Variants in FRMD1 observed in about 807,000 individuals in gnomAD.
FRMD1 encodes the protein FERM domain containing 1, also known as FERM domain-containing protein 1.
In FRMD1, 51 loss-of-function variants were observed where a neutral mutation model predicts 54.9. That is an observed-to-expected ratio of 0.93 (90% CI 0.74 to 1.17). The LOEUF (loss-of-function observed/expected upper bound fraction) is 1.17. Ranked by LOEUF, FRMD1 falls within the 50% of genes most tolerant of loss-of-function variation. FRMD1 has a pLI of 0.00. For missense variants in FRMD1, 729 were observed against 743.0 expected, an observed-to-expected ratio of 0.98 and a Z score of 0.22; for synonymous variants, 324 against 306.4, an observed-to-expected ratio of 1.06 and a Z score of -0.60.
upstream of FRMD1, among the ~76,000 whole-genome samples, chr6:168,080,390 A>G (rs1354398285): frequency 1.3e-5 from 2 of 151,992 alleles, no homozygotes; most frequent in African/African-American, 4.8e-5. Flanking sequence ...AGAGCTGTTC[A>G]CTATGGAAGA....
Position 168,059,189 on chromosome 6 carries a change from C to T in FRMD1, c.1343-1G>A. 1 of 1,583,354 alleles carries T rather than the reference C, an allele frequency of 6.3e-7. No individual in the cohort carries two copies. Among genetic ancestry groups the T allele is most frequent in the Non-Finnish European group, 8.6e-7 (1 of 1,168,230 alleles). On this transcript the variant is annotated splice_acceptor_variant, in intron 9 of 10. Transcript: ENST00000283309. LOFTEE classifies it high-confidence loss of function. This position sits in a 1 kb window ranked among gnomAD's most constrained non-coding sequence, Gnocchi z 4.4. The stretch of plus-strand genomic sequence containing the variant: ...TGGGTGCAGGGCTCCTGACGAGTGG[C>T]TGTGGGAGGAGGCAGCCGTGAGCAC...
chr6:168,085,623 G>C (rs1800904307), upstream of FRMD1, among the ~76,000 whole-genome samples: 1 of 152,212 alleles, frequency 6.6e-6, no homozygotes, highest in African/African-American at 2.4e-5. Context: ...AAGGGACCAA[G>C]GAGGCCTGGA....
At position 168,063,742 on chromosome 6, in the gene FRMD1, C is replaced by T. The variant is rs763158276; in HGVS notation, c.663G>A (p.Arg221=). The T allele has an allele frequency of 6.2e-6, 10 of 1,612,636 alleles. No individual in the cohort carries two copies. Among genetic ancestry groups the T allele is most frequent in the Admixed American group, 1.7e-5 (1 of 59,882 alleles). Residue 221 remains arginine, a synonymous_variant, in exon 6 of 11, where the codon AGG becomes AGA. Transcript: ENST00000283309. The stretch of plus-strand genomic sequence containing the variant: ...TGTGCCGGAGGATGTAGTCAATCCC[C>T]CTCTTGGTGATGATCTGAGGACAGA... The part of the protein sequence containing the change: ...SYFPQWIITK[R]GIDYILRHMP...
At chr6:168,072,209 C>A (rs542133793) in intron 2 of FRMD1, among the ~76,000 whole-genome samples, 10 of 152,164 alleles carry the variant, frequency 6.6e-5, no homozygotes, top group African/African-American at 2.4e-4. Flanking sequence ...AGACGCCCTG[C>A]CCTGCACCCC....
chr6:168,080,140 A>G (rs1800785335), upstream of FRMD1, among the ~76,000 whole-genome samples: 1 of 152,054 alleles, frequency 6.6e-6, no homozygotes, highest in South Asian at 2.1e-4. Context: ...TTCGCACTCC[A>G]GCCGCCTTAA....
Position 168,057,197 on chromosome 6 carries a change from C to A in FRMD1, c.1550G>T (p.Gly517Val), listed in dbSNP as rs757917784. The change falls in exon 11 of 11, where the codon GGC (glycine) becomes GTC (valine). Residue 517 changes from glycine to valine, a missense_variant. Gly to Val is a moderately radical substitution (Grantham distance 109). Transcript: ENST00000283309. ...GAGAGTGGCCCTGGTCTCGCAGGGG[C>A]CTGCCAGCCTGCAGTCCAGGGCGCG... is the stretch of plus-strand genomic sequence containing the variant. ...FHRALDCRLA[G>V]PCETRATLPS... 8.7e-6 allele frequency: 14 copies of A among 1,602,126 alleles called. No homozygotes were observed. Among genetic ancestry groups the A allele is most frequent in the South Asian group, 1.1e-5 (1 of 88,976 alleles).
chr6:168,092,521 C>A (rs1801031957), intron 1 of FRMD1, among the ~76,000 whole-genome samples: 2 of 152,034 alleles, frequency 1.3e-5, no homozygotes, highest in Non-Finnish European at 2.9e-5. Flanking sequence ...GTGATACAGT[C>A]ATGGGGGTGG....
chr6:168,078,833 C>T (rs1403380153), intron 1 of FRMD1, 49 bp downstream of exon 1: 3 of 1,365,184 alleles, frequency 2.2e-6, no homozygotes, highest in East Asian at 2.8e-5. Flanking sequence ...GAGCCCTGCT[C>T]ACCCCCACAG....
intron 5 of FRMD1, among the ~76,000 whole-genome samples, chr6:168,064,041 G>A (rs1393542569): frequency 6.6e-6 from 1 of 152,248 alleles, no homozygotes; most frequent in African/African-American, 2.4e-5. Context: ...CTCCCAACGA[G>A]CCCTGGCTCT....
rs1481113946 is a variant in FRMD1, at chr6:168,055,951, T to TGGGGCTCAA, written c.*1145_*1146insTTGAGCCCC. The TGGGGCTCAA allele has an allele frequency of 1.3e-5, 2 of 152,274 alleles. No individual in the cohort carries two copies. The highest frequency in any genetic ancestry group is 2.9e-5 in the Non-Finnish European group (2 of 68,112). The allele number at this position is 152,274 out of a possible 1,614,324, so 9.4% of individuals were successfully genotyped here. A position where few individuals can be genotyped will look rare whatever the true frequency, so the allele number is the denominator to read the frequency against. Reference sequence around the variant, plus strand: ...CACCAGGCCATGGGGCTCAAGCTCATGCTTGTCTCCAGTGAGCTGGAGGGT... The same window carrying TGGGGCTCAA: ...CACCAGGCCATGGGGCTCAAGCTCATGGGGCTCAAGCTTGTCTCCAGTGAGCTGGAGGGT... On this transcript the variant is annotated 3_prime_UTR_variant, in exon 11 of 11. Transcript: ENST00000283309.
intron 4 of FRMD1, chr6:168,065,914 C>A (rs1441445533): frequency 1.0e-6 from 1 of 1,000,302 alleles, no homozygotes; most frequent in East Asian, 1.1e-4. Context: ...AAGCTCTGTT[C>A]TGGAAGTAAG....
At chr6:168,062,690 A>C in intron 7 of FRMD1, 1 of 1,550,844 alleles carries the variant, frequency 6.4e-7, no homozygotes, top group South Asian at 1.2e-5. Flanking sequence ...CAGCTTCCCA[A>C]CGTGGGGCCA....
At chr6:168,082,315 T>G (rs1800847178), upstream of FRMD1, among the ~76,000 whole-genome samples, 1 of 152,164 alleles carries the variant, frequency 6.6e-6, no homozygotes, top group South Asian at 2.1e-4. Context: ...GCTCAGTGAG[T>G]GGCCAGCCGG....
chr6:168,067,469 C>T (rs1295164578), intron 2 of FRMD1, 23 bp from the exon 3 acceptor site: 3 of 1,478,366 alleles, frequency 2.0e-6, no homozygotes, highest in Admixed American at 3.5e-5. Flanking sequence ...CAAAAGGCTT[C>T]ATCAGAGCAG....
In FRMD1 at chr6:168,056,941, C is replaced by T. The variant is rs1799432588; in HGVS notation, c.*156G>A. ...GTTACCTCCCAGGTTGATGTCAGAG[C>T]CAGCTCCACACCTCTTACAGGTGAA... is the stretch of plus-strand genomic sequence containing the variant. On this transcript the variant is annotated 3_prime_UTR_variant, in exon 11 of 11. Coordinates refer to ENST00000283309, the MANE Select transcript of FRMD1 (RefSeq NM_024919.6). 1.1e-6 allele frequency: 1 copy of T among 875,474 alleles called. No individual in the cohort carries two copies. Among genetic ancestry groups the T allele is most frequent in the Non-Finnish European group, 1.6e-6 (1 of 627,194 alleles). 54.2% of individuals were successfully genotyped at this position (875,474 alleles called of 1,614,324 possible). A position where few individuals can be genotyped will look rare whatever the true frequency, so the allele number is the denominator to read the frequency against.
chr6:168,070,090 G>T (rs2114993053), intron 2 of FRMD1, among the ~76,000 whole-genome samples: 1 of 152,148 alleles, frequency 6.6e-6, no homozygotes, highest in South Asian at 2.1e-4. Flanking sequence ...TGGCTGTGGT[G>T]GTATGCATCT....
intron 2 of FRMD1, among the ~76,000 whole-genome samples, chr6:168,070,975 C>T (rs1800279107): frequency 2.0e-5 from 3 of 152,236 alleles, no homozygotes; most frequent in African/African-American, 4.8e-5. Context: ...CAGCTCGTGG[C>T]AGGCAGATCG....
chr6:168,062,520 C>T (rs1307322780), intron 7 of FRMD1, among the ~76,000 whole-genome samples: 2 of 152,354 alleles, frequency 1.3e-5, no homozygotes, highest in East Asian at 3.9e-4. Context: ...AGGCACAAAG[C>T]CCGTGAGGCC....
intron 1 of FRMD1, among the ~76,000 whole-genome samples, chr6:168,091,788 G>A (rs972069600): frequency 3.9e-5 from 6 of 152,358 alleles, no homozygotes; most frequent in East Asian, 3.9e-4. Context: ...GAAGCGAAAC[G>A]CAGTCACCCA....
Sources: gnomAD v4.1 joint callset for allele counts (sites outside exome capture counted in the v4.1 genomes callset) on GRCh38, gnomAD v4.1.1 for gene constraint, Gnocchi (gnomAD v3.1) non-coding constraint, MANE v1.5 for transcripts, NCBI Gene and HGNC (gene_info 2026-07-23, HGNC 2026-07-21) for gene names.